Variants in KCNB2 observed in about 807,000 individuals in gnomAD.
The protein encoded by KCNB2 is potassium voltage-gated channel subfamily B member 2.
In KCNB2, 15 loss-of-function variants were observed where a neutral mutation model predicts 61.5. That is an observed-to-expected ratio of 0.24 (90% CI 0.16 to 0.38). KCNB2 has a LOEUF of 0.38. KCNB2 is among the 10% of genes least tolerant of loss of function. The pLI, the probability that KCNB2 is intolerant of heterozygous loss-of-function variation, is 1.00. For missense variants in KCNB2, 828 were observed against 1,125.2 expected (o/e 0.74, Z 3.78); for synonymous variants, 457 against 446.0 (o/e 1.02, Z -0.31).
chr8:72,838,416 T>C (rs1439350392), intron 2 of KCNB2, among the ~76,000 whole-genome samples: 1 of 152,222 alleles, frequency 6.6e-6, no homozygotes, highest in Non-Finnish European at 1.5e-5. Flanking sequence ...TCTAGCTTCA[T>C]CCATGTCCCT....
intron 2 of KCNB2, among the ~76,000 whole-genome samples, chr8:72,887,999 C>A (rs1317984908): frequency 6.6e-6 from 1 of 152,238 alleles, no homozygotes; most frequent in African/African-American, 2.4e-5. Context: ...CTTGTCTCCC[C>A]AAGATTTTAA....
intron 2 of KCNB2, among the ~76,000 whole-genome samples, chr8:72,745,895 A>T (rs1403461742): frequency 6.6e-6 from 1 of 152,154 alleles, no homozygotes; most frequent in Non-Finnish European, 1.5e-5. Flanking sequence ...GCCCACCATG[A>T]ATAACAAAGA....
chr8:72,711,732 G>C (rs983255548), intron 2 of KCNB2, among the ~76,000 whole-genome samples: 1 of 140,952 alleles, frequency 7.1e-6, no homozygotes, highest in African/African-American at 2.8e-5. Flanking sequence ...GCTTACGCCT[G>C]TAATCCCAGC....
At chr8:72,845,779 G>C (rs1410221801) in intron 2 of KCNB2, among the ~76,000 whole-genome samples, 1 of 38,678 alleles carries the variant, frequency 2.6e-5, no homozygotes, top group Admixed American at 2.4e-4. Flanking sequence ...AATGGCAGAT[G>C]CCCCTCCCCC....
chr8:72,755,847 C>G (rs1808280676), intron 2 of KCNB2, among the ~76,000 whole-genome samples: 1 of 152,170 alleles, frequency 6.6e-6, no homozygotes, highest in Admixed American at 6.5e-5. Flanking sequence ...GCACCCAACT[C>G]CCTACTCACT....
intron 2 of KCNB2, among the ~76,000 whole-genome samples, chr8:72,813,143 A>G (rs1809332640): frequency 6.6e-6 from 1 of 152,206 alleles, no homozygotes; most frequent in Non-Finnish European, 1.5e-5. Flanking sequence ...TGGTTTCTAC[A>G]GTGAAAGTAT....
chr8:72,753,404 T>C (rs1240045521), intron 2 of KCNB2, among the ~76,000 whole-genome samples: 1 of 152,184 alleles, frequency 6.6e-6, no homozygotes, highest in Non-Finnish European at 1.5e-5. Flanking sequence ...GGCAATATAG[T>C]AGTGAATCAG....
intron 1 of KCNB2, among the ~76,000 whole-genome samples, chr8:72,561,763 A>ATGTG (rs1563523565): frequency 0.011 from 67 of 6,172 alleles, 3 homozygotes; most frequent in Non-Finnish European, 0.016. Context: ...ATATATATGG[A>ATGTG]TATATATATA....
At chr8:72,682,210 T>C (rs1806768264) in intron 2 of KCNB2, among the ~76,000 whole-genome samples, 1 of 152,192 alleles carries the variant, frequency 6.6e-6, no homozygotes, top group Non-Finnish European at 1.5e-5. Flanking sequence ...CAGGTCATGA[T>C]AAACGTCCTC....
At chr8:72,603,801 A>G (rs1376394634) in intron 2 of KCNB2, among the ~76,000 whole-genome samples, 2 of 152,192 alleles carry the variant, frequency 1.3e-5, no homozygotes, top group African/African-American at 4.8e-5. Flanking sequence ...TCGTATCCTT[A>G]TAAGAAAAAA....
At chr8:72,882,628 G>A (rs748501388) in intron 2 of KCNB2, among the ~76,000 whole-genome samples, 4 of 151,446 alleles carry the variant, frequency 2.6e-5, no homozygotes, top group Non-Finnish European at 5.9e-5. Flanking sequence ...CCAGTCGGTC[G>A]TGGGATTCCA....
intron 2 of KCNB2, among the ~76,000 whole-genome samples, chr8:72,620,632 G>T (rs939416133): frequency 6.6e-6 from 1 of 151,924 alleles, no homozygotes; most frequent in Non-Finnish European, 1.5e-5. Flanking sequence ...TTTTGAGATG[G>T]AGTTTCGCTC....
At chr8:72,916,040 G>A (rs1806392629) in intron 2 of KCNB2, among the ~76,000 whole-genome samples, 1 of 152,190 alleles carries the variant, frequency 6.6e-6, no homozygotes, top group African/African-American at 2.4e-5. Context: ...ATTTGTAAGT[G>A]AAAATATCAC....
At chr8:72,868,527 G>A (rs913178315) in intron 2 of KCNB2, among the ~76,000 whole-genome samples, 2 of 151,586 alleles carry the variant, frequency 1.3e-5, no homozygotes, top group African/African-American at 2.4e-5. Context: ...GCAGTGAGCC[G>A]AGATAATGCC....
At chr8:72,813,722 C>A (rs1187427439) in intron 2 of KCNB2, among the ~76,000 whole-genome samples, 1 of 152,178 alleles carries the variant, frequency 6.6e-6, no homozygotes, top group Non-Finnish European at 1.5e-5. Context: ...TTAATTCTCA[C>A]AAATTAAGCA....
intron 2 of KCNB2, among the ~76,000 whole-genome samples, chr8:72,652,383 CAA>C (rs1806226031): frequency 6.6e-6 from 1 of 152,032 alleles, no homozygotes; most frequent in African/African-American, 2.4e-5. Context: ...TAGACTACTG[CAA>C]GAGCTATCTA....
chr8:72,835,434 C>T (rs1336829862), intron 2 of KCNB2, among the ~76,000 whole-genome samples: 5 of 152,108 alleles, frequency 3.3e-5, no homozygotes, highest in Non-Finnish European at 7.3e-5. Flanking sequence ...GTTCTCAAGG[C>T]AGAGTTCTGG....
At chr8:72,881,618 G>A (rs1338013646) in intron 2 of KCNB2, 1 of 150,166 alleles carries the variant, frequency 6.7e-6, no homozygotes, top group Non-Finnish European at 1.5e-5. Flanking sequence ...AGGAATTAAG[G>A]CACTCAAACA....
intron 2 of KCNB2, among the ~76,000 whole-genome samples, chr8:72,597,957 A>G (rs1807225729): frequency 6.6e-6 from 1 of 152,350 alleles, no homozygotes; most frequent in African/African-American, 2.4e-5. Context: ...ATACCATTCG[A>G]CCCAGCAATC....
Sources: allele counts gnomAD v4.1 joint callset (sites outside exome capture counted in the v4.1 genomes callset), GRCh38; gene constraint gnomAD v4.1.1; transcripts MANE v1.5; gene names NCBI Gene and HGNC (gene_info 2026-07-23, HGNC 2026-07-21).